The following EPS8 variants were observed in gnomAD, a reference collection of about 807,000 sequenced individuals.
The protein encoded by EPS8 is epidermal growth factor receptor kinase substrate 8.
A neutral mutation model predicts 103.8 loss-of-function variants in EPS8; 42 were observed. That is an observed-to-expected ratio of 0.40 (90% CI 0.32 to 0.52). The LOEUF is 0.52. Ranked by LOEUF, EPS8 falls within the 20% of genes least tolerant of loss-of-function variation. The pLI, the probability that EPS8 is intolerant of heterozygous loss-of-function variation, is 0.40. For missense variants in EPS8, 969 were observed against 1,005.1 expected (o/e 0.96, Z 0.49); for synonymous variants, 344 against 344.6 (o/e 1.00, Z 0.02).
chr12:15,675,972 T>C (rs924530604), intron 3 of EPS8, among the ~76,000 whole-genome samples: 8 of 152,054 alleles, frequency 5.3e-5, no homozygotes, highest in Non-Finnish European at 1.2e-4. Flanking sequence ...ATACAGACTC[T>C]AGTGGAAAAG....
intron 1 of EPS8, among the ~76,000 whole-genome samples, chr12:15,724,918 CTAA>C (rs935552977): frequency 2.0e-5 from 3 of 152,094 alleles, no homozygotes; most frequent in Admixed American, 6.6e-5. Flanking sequence ...TAAAAACAGA[CTAA>C]TAAGATCTCC....
intron 18 of EPS8, among the ~76,000 whole-genome samples, chr12:15,628,317 A>G (rs1434803630): frequency 1.3e-5 from 2 of 152,182 alleles, no homozygotes; most frequent in Non-Finnish European, 1.5e-5. Flanking sequence ...CAGTATATCA[A>G]TCATCACCAG....
chr12:15,720,445 C>T (rs1008743301), intron 1 of EPS8, among the ~76,000 whole-genome samples: 6 of 152,026 alleles, frequency 3.9e-5, no homozygotes, highest in Non-Finnish European at 8.8e-5. Flanking sequence ...GCCATCATGC[C>T]CAACAATAAC....
At chr12:15,665,927 T>C (rs1286656086) in intron 7 of EPS8, 35 bp from the exon 8 acceptor site, 2 of 1,601,062 alleles carry the variant, frequency 1.2e-6, no homozygotes, top group South Asian at 1.1e-5. Flanking sequence ...ATTTTTACCA[T>C]CTCTATTTCT....
chr12:15,667,682 T>G (rs1385684417), intron 6 of EPS8, among the ~76,000 whole-genome samples: 1 of 152,120 alleles, frequency 6.6e-6, no homozygotes, highest in Non-Finnish European at 1.5e-5. Context: ...AAAGAAACTT[T>G]AAAAATCAAA....
chr12:15,737,725 A>T (rs945812159), intron 1 of EPS8, among the ~76,000 whole-genome samples: 3 of 152,170 alleles, frequency 2.0e-5, no homozygotes, highest in Non-Finnish European at 4.4e-5. Context: ...AATATTAAAA[A>T]CTTAATGATG....
rs1591803888 is a variant in EPS8, at chr12:15,631,967, A to G, written c.1822-303T>C. ...TTTGGGCTTGGAATCACACAAGATGAGGGGAGGCAGAAAGATTTATAATTA... is the reference window on the plus strand; with the variant it reads ...TTTGGGCTTGGAATCACACAAGATGGGGGGAGGCAGAAAGATTTATAATTA... On this transcript the variant is annotated intron_variant, in intron 17 of 20. Transcript: ENST00000281172. 2.0e-5 allele frequency among the ~76,000 whole-genome samples: 3 copies of G among 152,182 alleles called. No individual in the cohort carries two copies. The East Asian group carries it at 5.8e-4, about 29-fold the overall frequency.
intron 9 of EPS8, among the ~76,000 whole-genome samples, chr12:15,661,740 C>T (rs1945608944): frequency 6.6e-6 from 1 of 152,080 alleles, no homozygotes; most frequent in Admixed American, 6.6e-5. Flanking sequence ...AAAAATTGTA[C>T]CATTCCTGAA....
At position 15,748,222 on chromosome 12, in the gene EPS8, T is replaced by A. The variant is rs16911225; in HGVS notation, c.-22+40939A>T. Among the ~76,000 whole-genome samples, 1,904 of 152,210 alleles carry A rather than the reference T, an allele frequency of 0.013. 42 individuals are homozygous for A. Among genetic ancestry groups the A allele is most frequent in the African/African-American group, 0.044 (1,822 of 41,506 alleles). ...AACCTTGTCTACTGCATAAGATCAC[T>A]GAGAAGCAAATGATATAATAATGTA... On this transcript the variant is annotated intron_variant, in intron 1 of 20. Coordinates refer to ENST00000281172, the MANE Select transcript of EPS8 (RefSeq NM_004447.6). This position sits in a 1 kb window ranked among gnomAD's most constrained non-coding sequence, Gnocchi z 4.8.
chr12:15,745,667 T>C lies in EPS8; in HGVS notation c.-22+43494A>G, dbSNP rs898146509. ...AATATAGACCTCCCATTGTTCACTTTCAAATCCTTGGAAATACACAAAGAG... is the reference window on the plus strand; with the variant it reads ...AATATAGACCTCCCATTGTTCACTTCCAAATCCTTGGAAATACACAAAGAG... On this transcript the variant is annotated intron_variant, in intron 1 of 20. Transcript: ENST00000281172. This position sits in a 1 kb window ranked among gnomAD's most constrained non-coding sequence, Gnocchi z 4.6. 6.6e-6 allele frequency among the ~76,000 whole-genome samples: 1 copy of C among 152,214 alleles called. No homozygotes were observed. The highest frequency in any genetic ancestry group is 2.4e-5 in the African/African-American group (1 of 41,464).
chr12:15,707,236 G>C (rs1446681600), intron 1 of EPS8, among the ~76,000 whole-genome samples: 1 of 152,090 alleles, frequency 6.6e-6, no homozygotes, highest in Non-Finnish European at 1.5e-5. Flanking sequence ...AAAGAGCCAG[G>C]TTATAAATAT....
Position 15,752,806 on chromosome 12 carries a change from T to C in EPS8, c.-22+36355A>G, listed in dbSNP as rs1946947287. On this transcript the variant is annotated intron_variant, in intron 1 of 20. Transcript: ENST00000281172. This position sits in a 1 kb window ranked among gnomAD's most constrained non-coding sequence, Gnocchi z 4.4. Reference sequence around the variant, plus strand: ...TAATAATTGTAATGCCTCTTTATATTTATCAGTCACATAACACCTTAAAAA... The same window carrying C: ...TAATAATTGTAATGCCTCTTTATATCTATCAGTCACATAACACCTTAAAAA... Among the ~76,000 whole-genome samples the C allele has an allele frequency of 6.6e-6, 1 of 152,084 alleles. No homozygotes were observed. The highest frequency in any genetic ancestry group is 1.5e-5 in the Non-Finnish European group (1 of 68,014).
chr12:15,759,024 T>A lies in EPS8; in HGVS notation c.-22+30137A>T, dbSNP rs1011720525. ...GATTCTGGATTCTTCTACAGATTTT[T>A]TTTTAAAATTTTTTAATTAAAAGAT... On this transcript the variant is annotated intron_variant, in intron 1 of 20. Coordinates refer to ENST00000281172, the MANE Select transcript of EPS8 (RefSeq NM_004447.6). The surrounding 1 kb of genome is among the most constrained non-coding windows in gnomAD (Gnocchi z 4.9). 1.5e-4 allele frequency among the ~76,000 whole-genome samples: 23 copies of A among 152,172 alleles called. No homozygotes were observed. The highest frequency in any genetic ancestry group is 3.4e-4 in the Non-Finnish European group (23 of 68,008).
At position 15,666,493 on chromosome 12, in the gene EPS8, A is replaced by G. The variant is rs1245316745; in HGVS notation, c.546T>C (p.Ser182=). 1 of 1,613,778 alleles carries G rather than the reference A, an allele frequency of 6.2e-7. No homozygotes were observed. Among genetic ancestry groups the G allele is most frequent in the African/African-American group, 1.3e-5 (1 of 74,910 alleles). ...TCCCTCCTTTACTGTCACTGATTGCACTTTCAATATCTTCACTAATTAGGT... is the reference window on the plus strand; with the variant it reads ...TCCCTCCTTTACTGTCACTGATTGCGCTTTCAATATCTTCACTAATTAGGT... ...KANLISEDIE[S]AISDSKGGKQ... is the part of the protein sequence containing the mutation. Residue 182 remains serine, a synonymous_variant, in exon 7 of 21, where the codon AGT becomes AGC. Coordinates refer to ENST00000281172, the MANE Select transcript of EPS8 (RefSeq NM_004447.6).
In EPS8 at chr12:15,779,170, G is replaced by C. The variant is rs879537706; in HGVS notation, c.-22+9991C>G. The stretch of plus-strand genomic sequence containing the variant: ...ATTTTGTATTTTTAGTAGAGACAGG[G>C]CGTCTCTATGTTTGTCAGGCTGGTC... On this transcript the variant is annotated intron_variant, in intron 1 of 20. Coordinates refer to ENST00000281172, the MANE Select transcript of EPS8 (RefSeq NM_004447.6). The surrounding 1 kb of genome is among the most constrained non-coding windows in gnomAD (Gnocchi z 4.3). Among the ~76,000 whole-genome samples the C allele has an allele frequency of 2.0e-5, 3 of 152,048 alleles. No individual in the cohort carries two copies. Among genetic ancestry groups the C allele is most frequent in the Non-Finnish European group, 4.4e-5 (3 of 68,004 alleles).
chr12:15,779,244 C>T lies in EPS8; in HGVS notation c.-22+9917G>A, dbSNP rs1338706697. 6.6e-6 allele frequency among the ~76,000 whole-genome samples: 1 copy of T among 152,220 alleles called. No individual in the cohort carries two copies. Among genetic ancestry groups the T allele is most frequent in the Non-Finnish European group, 1.5e-5 (1 of 68,030 alleles). On this transcript the variant is annotated intron_variant, in intron 1 of 20. Transcript: ENST00000281172. This position sits in a 1 kb window ranked among gnomAD's most constrained non-coding sequence, Gnocchi z 4.3. ...CCGCCTGCCTCGGCTTCCCAAAATG[C>T]TGGGATTACAGGCGTGAGCCACCTT...
chr12:15,740,626 CT>C (rs1946811451), intron 1 of EPS8, among the ~76,000 whole-genome samples: 2 of 151,682 alleles, frequency 1.3e-5, no homozygotes, highest in African/African-American at 4.8e-5. Context: ...CAAAAAGCTG[CT>C]GCTAGAACAT....
chr12:15,736,711 T>C lies in EPS8; in HGVS notation c.-22+52450A>G, dbSNP rs145202000. On this transcript the variant is annotated intron_variant, in intron 1 of 20. Transcript: ENST00000281172. The surrounding 1 kb of genome is among the most constrained non-coding windows in gnomAD (Gnocchi z 4.2). ...GAAGAAAGAAATTGGTGTATTATGA[T>C]AATGAGAGAAAAATAATACATAAGA... 1.3e-5 allele frequency among the ~76,000 whole-genome samples: 2 copies of C among 152,114 alleles called. No homozygotes were observed. The highest frequency in any genetic ancestry group is 2.9e-5 in the Non-Finnish European group (2 of 68,018).
intron 19 of EPS8, among the ~76,000 whole-genome samples, chr12:15,623,558 T>C (rs1028834284): frequency 2.6e-5 from 4 of 152,164 alleles, no homozygotes; most frequent in African/African-American, 7.2e-5. Context: ...TTCTTGGGAT[T>C]TGGTGTTTTA....
Sources: gnomAD v4.1 joint callset for allele counts (sites outside exome capture counted in the v4.1 genomes callset) on GRCh38, gnomAD v4.1.1 for gene constraint, Gnocchi (gnomAD v3.1) non-coding constraint, MANE v1.5 for transcripts, NCBI Gene and HGNC (gene_info 2026-07-23, HGNC 2026-07-21) for gene names.